PBX1: variants seen among roughly 807,000 people sequenced by gnomAD.
PBX1 encodes pre-B-cell leukemia transcription factor 1.
Under a neutral mutation model 53.4 loss-of-function variants are expected in PBX1, and 6 were observed. The observed-to-expected ratio is 0.11, with a 90% CI of 0.06 to 0.22. The LOEUF (loss-of-function observed/expected upper bound fraction) is 0.22, where lower values mean the gene tolerates loss of function less well. Among genes scored for constraint, PBX1 ranks in the 10% least tolerant of loss-of-function variants. PBX1 has a pLI of 1.00. For synonymous variants in PBX1, 204 were observed against 212.3 expected (o/e 0.96, Z 0.34); for missense variants, 251 against 551.4 (o/e 0.46, Z 5.46).
In PBX1 at chr1:164,761,958, A is replaced by T. The variant is rs573311659; in HGVS notation, c.266-30536A>T. ...AATGTCAAAGAAGGGGGGATGAACC[A>T]ACTATATTCTCTAAGATTAATTGAT... On this transcript the variant is annotated intron_variant, in intron 2 of 8. Transcript: ENST00000420696. 1.2e-3 allele frequency among the ~76,000 whole-genome samples: 183 copies of T among 152,290 alleles called. 1 individual carries two copies. Among genetic ancestry groups the T allele is most frequent in the African/African-American group, 4.4e-3 (181 of 41,558 alleles).
At chr1:164,710,630 C>G (rs1663702280) in intron 2 of PBX1, among the ~76,000 whole-genome samples, 1 of 152,074 alleles carries the variant, frequency 6.6e-6, no homozygotes, top group South Asian at 2.1e-4. Flanking sequence ...AGGCTGGTCT[C>G]AAACTCCCGA....
chr1:164,728,250 G>A (rs534437475), intron 2 of PBX1, among the ~76,000 whole-genome samples: 11 of 151,748 alleles, frequency 7.2e-5, no homozygotes, highest in African/African-American at 1.2e-4. Flanking sequence ...CTGGGAGACC[G>A]AGGCTGCAAT....
At chr1:164,810,486 T>A (rs1669555286) in intron 5 of PBX1, among the ~76,000 whole-genome samples, 1 of 152,166 alleles carries the variant, frequency 6.6e-6, no homozygotes, top group South Asian at 2.1e-4. Flanking sequence ...ATATTTTTTT[T>A]ACATATAATT....
chr1:164,598,049 A>G (rs1240059515), intron 2 of PBX1, among the ~76,000 whole-genome samples: 1 of 152,158 alleles, frequency 6.6e-6, no homozygotes, highest in African/African-American at 2.4e-5. Flanking sequence ...CTTCTTGGTA[A>G]CATGGTGGAG....
At chr1:164,842,070 C>T (rs991015195) in intron 8 of PBX1, among the ~76,000 whole-genome samples, 2 of 152,098 alleles carry the variant, frequency 1.3e-5, no homozygotes, top group Non-Finnish European at 2.9e-5. Context: ...CTAAGGTAAT[C>T]GCAGAGGAAG....
chr1:164,871,697 C>T (rs540202440), intron 2 of PBX1, among the ~76,000 whole-genome samples: 6 of 152,070 alleles, frequency 3.9e-5, no homozygotes, highest in Non-Finnish European at 8.8e-5. Context: ...TGTGGGGAGC[C>T]TGTGAGGATA....
At chr1:164,747,525 A>G (rs1665960628) in intron 2 of PBX1, among the ~76,000 whole-genome samples, 2 of 152,134 alleles carry the variant, frequency 1.3e-5, no homozygotes, top group African/African-American at 2.4e-5. Context: ...TAGAACAGCC[A>G]TTGACTTTGT....
intron 2 of PBX1, among the ~76,000 whole-genome samples, chr1:164,669,552 G>C (rs992493477): frequency 6.6e-6 from 1 of 152,090 alleles, no homozygotes; most frequent in Non-Finnish European, 1.5e-5. Flanking sequence ...CTTAAGTATG[G>C]GCTGGGTTCT....
At chr1:164,694,271 G>A (rs977381798) in intron 2 of PBX1, among the ~76,000 whole-genome samples, 1 of 151,944 alleles carries the variant, frequency 6.6e-6, no homozygotes, top group Non-Finnish European at 1.5e-5. Context: ...CTTTGGTTGG[G>A]CCTCCTTAGT....
chr1:164,656,031 G>C (rs1227645845), intron 2 of PBX1, among the ~76,000 whole-genome samples: 3 of 152,072 alleles, frequency 2.0e-5, no homozygotes, highest in Non-Finnish European at 2.9e-5. Context: ...GGTGGAGAAT[G>C]GAATTAATAT....
At chr1:164,835,878 C>T (rs2102400824) in intron 8 of PBX1, among the ~76,000 whole-genome samples, 1 of 152,202 alleles carries the variant, frequency 6.6e-6, no homozygotes, top group East Asian at 1.9e-4. Flanking sequence ...AATTAATTAA[C>T]CCTACAATCT....
At position 164,837,957 on chromosome 1, in the gene PBX1, C is replaced by T. The variant is rs186012642; in HGVS notation, c.1201-8627C>T. Among the ~76,000 whole-genome samples the T allele has an allele frequency of 5.3e-5, 8 of 152,288 alleles. No individual in the cohort carries two copies. The East Asian group carries it at 1.5e-3, about 29-fold the overall frequency. ...GATCCCTTATATGGCATTATTAATC[C>T]TGGATCTTCGCAACAGATTCATTAG... On this transcript the variant is annotated intron_variant, in intron 8 of 8. Transcript: ENST00000420696.
intron 2 of PBX1, among the ~76,000 whole-genome samples, chr1:164,755,216 A>G (rs1666446002): frequency 6.6e-6 from 1 of 152,152 alleles, no homozygotes. Context: ...GCTGGAGTGC[A>G]GTGGCACAAT....
intron 2 of PBX1, among the ~76,000 whole-genome samples, chr1:164,607,352 A>G (rs933331954): frequency 6.6e-6 from 1 of 152,216 alleles, no homozygotes. Flanking sequence ...TTGCGATTAA[A>G]TTTAAGCAAT....
intron 6 of PBX1, chr1:164,813,728 A>T (rs1328731989): frequency 6.6e-6 from 1 of 152,246 alleles, no homozygotes; most frequent in Non-Finnish European, 1.5e-5. Context: ...ATGGCTTAGC[A>T]TGATTTATGA....
rs574328707 is a variant in PBX1 at position 164,878,731 on chromosome 1, A to C, written n.258-20457A>C. Among the ~76,000 whole-genome samples the C allele has an allele frequency of 2.0e-5, 3 of 152,324 alleles. No individual in the cohort carries two copies. The East Asian group carries it at 5.8e-4, about 29-fold the overall frequency. Reference sequence around the variant, plus strand: ...GTCAGTAGCTAAGTAAAAGTTAGAGAAATGGGTAAAAAAACAAAATTATTA... The same window carrying C: ...GTCAGTAGCTAAGTAAAAGTTAGAGCAATGGGTAAAAAAACAAAATTATTA... On this transcript the variant is annotated intron_variant and non_coding_transcript_variant, in intron 2 of 2. Coordinates refer to the PBX1 transcript ENST00000558796.
chr1:164,826,966 T>C (rs1670500493), intron 8 of PBX1, among the ~76,000 whole-genome samples: 1 of 152,208 alleles, frequency 6.6e-6, no homozygotes, highest in African/African-American at 2.4e-5. Context: ...AACTGTAACA[T>C]AGGTGTTTTT....
intron 6 of PBX1, chr1:164,817,130 C>G (rs1027342460): frequency 6.6e-6 from 1 of 152,194 alleles, no homozygotes; most frequent in East Asian, 1.9e-4. Flanking sequence ...TTTTAACTGA[C>G]AACCACATCT....
intron 8 of PBX1, among the ~76,000 whole-genome samples, chr1:164,835,241 T>G (rs914144486): frequency 6.9e-5 from 4 of 57,944 alleles, no homozygotes; most frequent in African/African-American, 3.4e-4. Context: ...TGATTTTGGT[T>G]TTTTTTTTTT....
Sources: allele counts gnomAD v4.1 joint callset (sites outside exome capture counted in the v4.1 genomes callset), GRCh38; gene constraint gnomAD v4.1.1; transcripts MANE v1.5; gene names NCBI Gene and HGNC (gene_info 2026-07-23, HGNC 2026-07-21).